ARGFX: variants seen among roughly 807,000 people sequenced by gnomAD.
The protein encoded by ARGFX is arginine-fifty homeobox.
In ARGFX, 10 loss-of-function variants were observed where a neutral mutation model predicts 8.0. The observed-to-expected ratio is 1.25, with a 90% confidence interval of 0.77 to 2.12. The LOEUF is 2.12. Among genes scored for constraint, ARGFX ranks in the 30% most tolerant of loss-of-function variants. The pLI, the probability that ARGFX is intolerant of heterozygous loss-of-function variation, is 0.00. For missense variants in ARGFX, 282 were observed against 324.3 expected, an observed-to-expected ratio of 0.87 and a Z score of 1.00; for synonymous variants, 116 against 117.8, an observed-to-expected ratio of 0.98 and a Z score of 0.10.
At chr3:121,581,683 T>G (rs1428291659) in intron 3 of ARGFX, among the ~76,000 whole-genome samples, 1 of 152,082 alleles carries the variant, frequency 6.6e-6, no homozygotes, top group African/African-American at 2.4e-5. Context: ...GGAGGATGAC[T>G]TGAGCCCAGG....
At position 121,585,081 on chromosome 3, in the gene ARGFX, G is replaced by T; in HGVS notation, c.369+16G>T. The T allele has an allele frequency of 6.2e-7, 1 of 1,612,648 alleles. No homozygotes were observed. Among genetic ancestry groups the T allele is most frequent in the Non-Finnish European group, 8.5e-7 (1 of 1,179,466 alleles). ...AACAGTAAAGGTCTGATCCCCTGTG[G>T]TGTGCTTGGTACCCCCATCCAAGCC... On this transcript the variant is annotated intron_variant, in intron 4 of 4. Coordinates refer to ENST00000334384, the MANE Select transcript of ARGFX (RefSeq NM_001012659.2).
chr3:121,577,652 G>C lies in ARGFX; in HGVS notation c.220+752G>C, dbSNP rs575213449. Among the ~76,000 whole-genome samples the C allele has an allele frequency of 2.0e-5, 3 of 152,226 alleles. No individual in the cohort carries two copies. The South Asian group carries it at 6.2e-4, about 32-fold the overall frequency. ...TAAAATAAAATTAATTTACAAAAGA[G>C]AGGTATGTTGTGCATACAATGTGCC... On this transcript the variant is annotated intron_variant, in intron 3 of 4. Transcript: ENST00000334384.
rs114502094 is a variant in ARGFX at position 121,587,649 on chromosome 3, A to G, written c.*1049A>G. ...GTTATAAACTTACATTTTGTTTCCA[A>G]TTTTTCATTTTTTGTTTGTTATTTG... On this transcript the variant is annotated 3_prime_UTR_variant, in exon 5 of 5. Transcript: ENST00000334384. 6.2e-3 allele frequency among the ~76,000 whole-genome samples: 938 copies of G among 151,956 alleles called. 12 individuals are homozygous for G. The highest frequency in any genetic ancestry group is 0.02 in the African/African-American group (818 of 41,428).
intron 2 of ARGFX, among the ~76,000 whole-genome samples, chr3:121,573,514 T>A (rs551366844): frequency 6.6e-6 from 1 of 151,334 alleles, no homozygotes; most frequent in East Asian, 1.9e-4. Context: ...TGGCAAACTA[T>A]GTAGTGGGAG....
At position 121,587,825 on chromosome 3, in the gene ARGFX, A is replaced by C. The variant is rs2048821008; in HGVS notation, c.*1225A>C. Reference sequence around the variant, plus strand: ...AGACATGCGCCACCATGTCTGGCTAATTTTTGTATTTTTAGTGGAGATGGG... The same window carrying C: ...AGACATGCGCCACCATGTCTGGCTACTTTTTGTATTTTTAGTGGAGATGGG... On this transcript the variant is annotated 3_prime_UTR_variant, in exon 5 of 5. Coordinates refer to ENST00000334384, the MANE Select transcript of ARGFX (RefSeq NM_001012659.2). Among the ~76,000 whole-genome samples the C allele has an allele frequency of 6.6e-6, 1 of 151,674 alleles. No individual in the cohort carries two copies. Among genetic ancestry groups the C allele is most frequent in the Non-Finnish European group, 1.5e-5 (1 of 67,892 alleles).
intron 4 of ARGFX, among the ~76,000 whole-genome samples, chr3:121,585,630 G>A (rs1576445423): frequency 1.3e-5 from 2 of 151,886 alleles, no homozygotes; most frequent in South Asian, 2.1e-4. Context: ...GTGAGCCACC[G>A]TGACTGGCCA....
At chr3:121,574,140 C>A (rs2048723882) in intron 2 of ARGFX, among the ~76,000 whole-genome samples, 1 of 152,016 alleles carries the variant, frequency 6.6e-6, no homozygotes, top group Non-Finnish European at 1.5e-5. Context: ...AGTTCAAGAC[C>A]AGCCTAGGCA....
Position 121,586,789 on chromosome 3 carries a change from G to A in ARGFX, c.*189G>A, listed in dbSNP as rs923025305. On this transcript the variant is annotated 3_prime_UTR_variant, in exon 5 of 5. Coordinates refer to ENST00000334384, the MANE Select transcript of ARGFX (RefSeq NM_001012659.2). ...CGTAATCAGCCCCACAAGTCTCCCT[G>A]AGAAGCCTGCCTAGTCCCTTTCATG... 6.6e-5 allele frequency among the ~76,000 whole-genome samples: 10 copies of A among 152,174 alleles called. No homozygotes were observed. The highest frequency in any genetic ancestry group is 2.4e-4 in the African/African-American group (10 of 41,444).
chr3:121,573,295 A>T (rs2048718847), intron 2 of ARGFX, among the ~76,000 whole-genome samples: 1 of 152,136 alleles, frequency 6.6e-6, no homozygotes. Context: ...AGCCTGGCCA[A>T]CATGGTGAAA....
At chr3:121,582,586 G>A (rs1214901421) in intron 3 of ARGFX, among the ~76,000 whole-genome samples, 2 of 152,180 alleles carry the variant, frequency 1.3e-5, no homozygotes, top group Non-Finnish European at 2.9e-5. Context: ...ACGTTCGTAA[G>A]TGGCATTGCC....
chr3:121,590,427 C>T lies in ARGFX; in HGVS notation c.*3827C>T, dbSNP rs1391301238. Among the ~76,000 whole-genome samples, 1 of 151,980 alleles carries T rather than the reference C, an allele frequency of 6.6e-6. No individual in the cohort carries two copies. Among genetic ancestry groups the T allele is most frequent in the Non-Finnish European group, 1.5e-5 (1 of 68,006 alleles). On this transcript the variant is annotated 3_prime_UTR_variant, in exon 5 of 5. Transcript: ENST00000334384. The stretch of plus-strand genomic sequence containing the variant: ...TTCCTGATAAAAGGATGAGTTCGGC[C>T]TTCTTCTTCCCCAAAATCTTTATCC...
rs869249692 is a variant in ARGFX, at chr3:121,577,259, A to ATTTTTT, written c.220+367_220+372dup. Among the ~76,000 whole-genome samples, 145 of 59,578 alleles carry ATTTTTT rather than the reference A, an allele frequency of 2.4e-3. 3 individuals carry two copies. Among genetic ancestry groups the ATTTTTT allele is most frequent in the East Asian group, 0.017 (24 of 1,440 alleles). The allele number at this position is 59,578 out of a possible 152,430, so 39.1% of individuals were successfully genotyped here. A position where few individuals can be genotyped will look rare whatever the true frequency, so the allele number is the denominator to read the frequency against. On this transcript the variant is annotated intron_variant, in intron 3 of 4. Coordinates refer to ENST00000334384, the MANE Select transcript of ARGFX (RefSeq NM_001012659.2). ...TATATATATATATATATATATATAT[A>ATTTTTT]TTTTTTTTTTTTTAAATGGAGTCTC...
intron 2 of ARGFX, 91 bp from the exon 3 acceptor site, chr3:121,576,693 T>A: frequency 3.3e-6 from 1 of 301,920 alleles, no homozygotes; most frequent in South Asian, 2.3e-5. Flanking sequence ...TTTTCTTTCT[T>A]TCTCTTTCTT....
chr3:121,572,640 C>A (rs1032341613), intron 2 of ARGFX, among the ~76,000 whole-genome samples: 20 of 151,976 alleles, frequency 1.3e-4, no homozygotes, highest in African/African-American at 4.8e-4. Context: ...TTTGCAGAAA[C>A]TAAAAAAAGT....
intron 3 of ARGFX, among the ~76,000 whole-genome samples, chr3:121,577,749 T>G (rs1034544103): frequency 3.3e-5 from 5 of 152,204 alleles, no homozygotes; most frequent in Non-Finnish European, 7.3e-5. Context: ...ATTAATACAT[T>G]CATGTAATAA....
intron 3 of ARGFX, among the ~76,000 whole-genome samples, chr3:121,583,702 T>G (rs138729028): frequency 6.6e-6 from 1 of 151,742 alleles, no homozygotes; most frequent in East Asian, 2.0e-4. Context: ...AATTTTTTAA[T>G]TTTTCATAGA....
chr3:121,583,812 G>GCA (rs1182440034), intron 3 of ARGFX, among the ~76,000 whole-genome samples: 1 of 152,116 alleles, frequency 6.6e-6, no homozygotes, highest in Non-Finnish European at 1.5e-5. Context: ...ACAGGTGTGA[G>GCA]CACATTGTGC....
In ARGFX at chr3:121,588,355, G is replaced by A. The variant is rs2048825763; in HGVS notation, c.*1755G>A. Among the ~76,000 whole-genome samples, 1 of 147,558 alleles carries A rather than the reference G, an allele frequency of 6.8e-6. No homozygotes were observed. The highest frequency in any genetic ancestry group is 1.5e-5 in the Non-Finnish European group (1 of 67,114). On this transcript the variant is annotated 3_prime_UTR_variant, in exon 5 of 5. Transcript: ENST00000334384. ...AAGCCAGGCATGGTGGCACACACCT[G>A]TAATCCCAGCTACTCGGGAGGCTGA...
chr3:121,585,049 C>G lies in ARGFX; in HGVS notation c.353C>G (p.Pro118Arg). The change falls in exon 4 of 5, where the codon CCG becomes CGG. Residue 118 changes from proline (P) to arginine (R), a missense_variant. Coordinates refer to ENST00000334384, the MANE Select transcript of ARGFX (RefSeq NM_001012659.2). ...AAACTAGCTTTGAGACTCGACCTAC[C>G]GGAGTCAACAGTAAAGGTCTGATCC... is the stretch of plus-strand genomic sequence containing the variant. The part of the protein sequence containing the change: ...QEKLALRLDL[P>R]ESTVKVWFRN... 1 of 1,613,870 alleles carries G rather than the reference C, an allele frequency of 6.2e-7. No individual in the cohort carries two copies. Among genetic ancestry groups the G allele is most frequent in the South Asian group, 1.1e-5 (1 of 90,958 alleles).
Sources: allele counts gnomAD v4.1 joint callset (sites outside exome capture counted in the v4.1 genomes callset), GRCh38; gene constraint gnomAD v4.1.1; transcripts MANE v1.5; gene names NCBI Gene and HGNC (gene_info 2026-07-23, HGNC 2026-07-21).